The following ZNF480 variants were observed in gnomAD, a reference collection of about 807,000 sequenced individuals.
The protein encoded by ZNF480 is zinc finger protein 480.
A neutral mutation model predicts 14.4 loss-of-function variants in ZNF480; 15 were observed. The ratio of observed to expected loss-of-function variants is 1.04; its 90% CI spans 0.70 to 1.60. The LOEUF (loss-of-function observed/expected upper bound fraction) is 1.60. ZNF480 is among the 40% of genes most tolerant of loss of function. The pLI, the probability that ZNF480 is intolerant of heterozygous loss-of-function variation, is 0.00. For missense variants in ZNF480, 593 were observed against 629.7 expected (o/e 0.94, Z 0.62); for synonymous variants, 218 against 215.5 (o/e 1.01, Z -0.10).
intron 3 of ZNF480, 103 bp downstream of exon 3, chr19:52,314,382 A>G (rs1983445003): frequency 3.5e-6 from 4 of 1,153,194 alleles, no homozygotes; most frequent in South Asian, 1.9e-5. Flanking sequence ...ACTGACATTA[A>G]GCAGGAGAAT....
intron 2 of ZNF480, 75 bp from the exon 3 acceptor site, chr19:52,314,078 C>T (rs1259876383): frequency 1.4e-6 from 2 of 1,444,772 alleles, no homozygotes; most frequent in Non-Finnish European, 1.9e-6. Flanking sequence ...TTAATCTTTA[C>T]AACTCCCTTC....
chr19:52,312,557 ATTGT>A (rs1261704316), intron 2 of ZNF480, among the ~76,000 whole-genome samples: 1 of 151,996 alleles, frequency 6.6e-6, no homozygotes, highest in Non-Finnish European at 1.5e-5. Flanking sequence ...TGATCTGTTC[ATTGT>A]TTGATTCTTT....
At chr19:52,306,786 T>C (rs1056740946) in intron 2 of ZNF480, among the ~76,000 whole-genome samples, 2 of 152,086 alleles carry the variant, frequency 1.3e-5, no homozygotes, top group Admixed American at 1.3e-4. Flanking sequence ...CATATCACAC[T>C]CTCATCTAGC....
intron 2 of ZNF480, among the ~76,000 whole-genome samples, chr19:52,310,008 A>G (rs1325372444): frequency 1.3e-5 from 2 of 151,660 alleles, no homozygotes; most frequent in Non-Finnish European, 1.5e-5. Context: ...AATTTTTTTC[A>G]ATATATTTTT....
chr19:52,318,886 T>G (rs1264129361), intron 4 of ZNF480, among the ~76,000 whole-genome samples: 2 of 151,942 alleles, frequency 1.3e-5, no homozygotes, highest in South Asian at 4.2e-4. Flanking sequence ...CATGGGGGGA[T>G]GGATTCTCGC....
chr19:52,311,562 G>T (rs1286098830), intron 2 of ZNF480, among the ~76,000 whole-genome samples: 6 of 152,002 alleles, frequency 3.9e-5, no homozygotes, highest in African/African-American at 1.5e-4. Flanking sequence ...TTTTTTAATG[G>T]CTTAATATAC....
chr19:52,321,534 C>A, intron 4 of ZNF480, 45 bp from the exon 5 acceptor site: 2 of 1,488,564 alleles, frequency 1.3e-6, no homozygotes, highest in Admixed American at 2.2e-5. Flanking sequence ...TCTAAACATG[C>A]CAGAATTATG....
chr19:52,313,353 GTC>G (rs1983383601), intron 2 of ZNF480, among the ~76,000 whole-genome samples: 1 of 151,080 alleles, frequency 6.6e-6, no homozygotes, highest in South Asian at 2.1e-4. Context: ...GGCCAGACTG[GTC>G]TCTAACTCCT....
chr19:52,317,207 A>G (rs8103810), intron 4 of ZNF480, among the ~76,000 whole-genome samples: 14,199 of 151,900 alleles, frequency 0.093, 1,028 homozygotes, highest in African/African-American at 0.2. Flanking sequence ...TAGTAGAGAC[A>G]GGGTTTCACC....
At chr19:52,319,615 G>A (rs941648102) in intron 4 of ZNF480, among the ~76,000 whole-genome samples, 17 of 151,994 alleles carry the variant, frequency 1.1e-4, no homozygotes, top group Admixed American at 9.2e-4. Flanking sequence ...GTATATTCAG[G>A]TCTTTCTTCA....
intron 2 of ZNF480, chr19:52,308,656 TTTATGTC>T (rs2122530834): frequency 6.6e-6 from 1 of 152,288 alleles, no homozygotes; most frequent in Admixed American, 6.5e-5. Flanking sequence ...TTCCCAGTTT[TTTATGTC>T]TACCTTGGTT....
In ZNF480 at chr19:52,322,100, G is replaced by C. The variant is rs747812092; in HGVS notation, c.850G>C (p.Glu284Gln). ...ACGACATCAAAGAATTCATACCAGAGAGAAGCCGTATGAATGTAATGAATG... is the reference window on the plus strand; with the variant it reads ...ACGACATCAAAGAATTCATACCAGACAGAAGCCGTATGAATGTAATGAATG... ...FARHQRIHTR[E>Q]KPYECNECGK... is the part of the protein sequence containing the mutation. The change falls in exon 5 of 5, where the codon GAG becomes CAG. Residue 284 changes from glutamate to glutamine, a missense_variant. Transcript: ENST00000595962. 5.0e-6 allele frequency: 8 copies of C among 1,614,020 alleles called. 1 individual carries two copies. The highest frequency in any genetic ancestry group is 6.8e-6 in the Non-Finnish European group (8 of 1,179,982).
Position 52,321,903 on chromosome 19 carries a change from T to G in ZNF480, c.653T>G (p.Leu218Arg). The G allele has an allele frequency of 6.2e-7, 1 of 1,614,130 alleles. No homozygotes were observed. The highest frequency in any genetic ancestry group is 8.5e-7 in the Non-Finnish European group (1 of 1,180,010). ...AAAGTCTTTAGAGTATCTTCCAGCCTTACTAAACATCAAGTAATCCATACT... is the reference window on the plus strand; with the variant it reads ...AAAGTCTTTAGAGTATCTTCCAGCCGTACTAAACATCAAGTAATCCATACT... ...HSKVFRVSSS[L>R]TKHQVIHTVE... is the part of the protein sequence containing the mutation. Residue 218 changes from leucine (L) to arginine (R), a missense_variant, in exon 5 of 5, where the codon CTT becomes CGT. Leu to Arg is a moderately radical substitution (Grantham distance 102). Transcript: ENST00000595962.
intron 2 of ZNF480, 96 bp downstream of exon 2, chr19:52,300,580 C>A: frequency 6.3e-7 from 1 of 1,585,672 alleles, no homozygotes. Flanking sequence ...AAGTGTCCTG[C>A]CTGACAGGTT....
At position 52,318,487 on chromosome 19, in the gene ZNF480, A is replaced by G. The variant is rs116023180; in HGVS notation, c.328+2525A>G. Among the ~76,000 whole-genome samples, 663 of 152,286 alleles carry G rather than the reference A, an allele frequency of 4.4e-3. 4 individuals carry two copies. The highest frequency in any genetic ancestry group is 0.015 in the African/African-American group (624 of 41,552). On this transcript the variant is annotated intron_variant, in intron 4 of 4. Transcript: ENST00000595962. ...CTCACATATGGTAGGTTTTCTTTACATTGTGGTAATTGTTTTCTTCTATCC... is the reference window on the plus strand; with the variant it reads ...CTCACATATGGTAGGTTTTCTTTACGTTGTGGTAATTGTTTTCTTCTATCC...
chr19:52,309,720 G>A (rs1318811093), intron 2 of ZNF480, among the ~76,000 whole-genome samples: 3 of 152,216 alleles, frequency 2.0e-5, no homozygotes, highest in East Asian at 3.9e-4. Flanking sequence ...GGTTGACTTG[G>A]TACTGGTGCA....
At chr19:52,303,174 G>A (rs558683633) in intron 2 of ZNF480, among the ~76,000 whole-genome samples, 18 of 152,186 alleles carry the variant, frequency 1.2e-4, no homozygotes, top group Non-Finnish European at 2.1e-4. Context: ...AGTATAGGGC[G>A]TGTGGAAGAC....
intron 4 of ZNF480, among the ~76,000 whole-genome samples, chr19:52,316,194 C>CTCTCTCTTTCTT (rs1983546084): frequency 7.0e-6 from 1 of 142,694 alleles, no homozygotes; most frequent in African/African-American, 2.6e-5. Flanking sequence ...CTCTCTCTTT[C>CTCTCTCTTTCTT]TCTTTCTTTC....
intron 1 of ZNF480, among the ~76,000 whole-genome samples, chr19:52,298,460 C>T (rs562852658): frequency 6.6e-6 from 1 of 152,126 alleles, no homozygotes; most frequent in Admixed American, 6.5e-5. Flanking sequence ...TGGTGAAACC[C>T]CATCTCTACT....
Sources: allele counts gnomAD v4.1 joint callset (sites outside exome capture counted in the v4.1 genomes callset), GRCh38; gene constraint gnomAD v4.1.1; transcripts MANE v1.5; gene names NCBI Gene and HGNC (gene_info 2026-07-23, HGNC 2026-07-21).